The following CCDC171 variants were observed in gnomAD, a reference collection of about 807,000 sequenced individuals.
The protein encoded by CCDC171 is coiled-coil domain containing 171.
In CCDC171, 177 loss-of-function variants were observed where a neutral mutation model predicts 168.2. The ratio of observed to expected loss-of-function variants is 1.05; its 90% CI spans 0.93 to 1.19. The LOEUF (loss-of-function observed/expected upper bound fraction) is 1.19. CCDC171 is among the 50% of genes most tolerant of loss of function. The probability of loss-of-function intolerance (pLI) is 0.00; values close to 1 mark genes in which losing one functional copy is unlikely to be tolerated. For missense variants in CCDC171, 1,991 were observed against 1,539.0 expected, an observed-to-expected ratio of 1.29 and a Z score of -4.91; for synonymous variants, 687 against 540.8, an observed-to-expected ratio of 1.27 and a Z score of -3.75.
the CCDC171 span, among the ~76,000 whole-genome samples, chr9:16,089,634 A>C: frequency 6.6e-6 from 1 of 152,122 alleles, no homozygotes; most frequent in Non-Finnish European, 1.5e-5. Context: ...TTAAATAGGG[A>C]ATATTTTCCC....
intron 10 of CCDC171, among the ~76,000 whole-genome samples, chr9:15,688,196 C>T (rs1316402283): frequency 2.7e-5 from 4 of 149,434 alleles, no homozygotes; most frequent in Non-Finnish European, 4.5e-5. Context: ...TATCAAAATA[C>T]AAAATAAATC....
chr9:15,590,769 T>TTCTC (rs1223868945), intron 4 of CCDC171, among the ~76,000 whole-genome samples: 24 of 104,670 alleles, frequency 2.3e-4, no homozygotes, highest in African/African-American at 7.1e-4. Flanking sequence ...CTTTCTTTCT[T>TTCTC]TCTCTTTCTT....
intron 24 of CCDC171, among the ~76,000 whole-genome samples, chr9:15,890,194 G>A (rs77160126): frequency 0.069 from 10,536 of 151,896 alleles, 834 homozygotes; most frequent in African/African-American, 0.19. Context: ...AAGAGAGAAT[G>A]TGAAATTTAA....
At chr9:15,811,211 T>G (rs755006064) in intron 21 of CCDC171, among the ~76,000 whole-genome samples, 1 of 152,200 alleles carries the variant, frequency 6.6e-6, no homozygotes, top group Admixed American at 6.5e-5. Context: ...GATCTTTCTT[T>G]TGCTGATATT....
chr9:15,834,829 A>C (rs1323680154), intron 21 of CCDC171, among the ~76,000 whole-genome samples: 1 of 152,246 alleles, frequency 6.6e-6, no homozygotes, highest in African/African-American at 2.4e-5. Context: ...GAAAATCACT[A>C]TGATAGATGA....
intron 6 of CCDC171, among the ~76,000 whole-genome samples, chr9:15,618,918 C>T (rs193124759): frequency 2.0e-5 from 3 of 152,134 alleles, no homozygotes; most frequent in South Asian, 2.1e-4. Flanking sequence ...GCGTTGGTCT[C>T]GCTGGGAGCT....
At chr9:15,981,291 GA>G (rs1353434860) in intron 3 of CCDC171, among the ~76,000 whole-genome samples, 1 of 152,126 alleles carries the variant, frequency 6.6e-6, no homozygotes, top group Non-Finnish European at 1.5e-5. Flanking sequence ...TGCAAAGAGA[GA>G]AAAAGAGAAC....
chr9:15,927,905 C>A (rs1197546306), intron 25 of CCDC171, among the ~76,000 whole-genome samples: 1 of 151,688 alleles, frequency 6.6e-6, no homozygotes, highest in African/African-American at 2.4e-5. Context: ...CATTCATATA[C>A]CTTATCTTAG....
rs562572166 is a variant in CCDC171 at position 15,625,930 on chromosome 9, T to C, written c.822+2517T>C. Reference sequence around the variant, plus strand: ...GGGGAGTATGGCCATTTTCACGATATTGCTTCTTCCTAACCATGAGCGTGG... The same window carrying C: ...GGGGAGTATGGCCATTTTCACGATACTGCTTCTTCCTAACCATGAGCGTGG... On this transcript the variant is annotated intron_variant, in intron 7 of 25. Transcript: ENST00000380701. Among the ~76,000 whole-genome samples the C allele has an allele frequency of 4.6e-5, 7 of 152,342 alleles. No individual in the cohort carries two copies. The East Asian group carries it at 1.2e-3, about 25-fold the overall frequency.
chr9:15,857,945 A>G (rs961756489), intron 23 of CCDC171, among the ~76,000 whole-genome samples: 3 of 151,692 alleles, frequency 2.0e-5, no homozygotes, highest in Non-Finnish European at 4.4e-5. Flanking sequence ...ATATATATAT[A>G]TGTATATATG....
chr9:15,689,584 A>G (rs1397740972), intron 10 of CCDC171, among the ~76,000 whole-genome samples: 2 of 152,120 alleles, frequency 1.3e-5, no homozygotes, highest in African/African-American at 4.8e-5. Flanking sequence ...GATGGCGCGT[A>G]TCTGTAGTTC....
intron 5 of CCDC171, 124 bp downstream of exon 5, chr9:15,591,680 C>CA (rs1291863727): frequency 9.6e-6 from 6 of 623,048 alleles, no homozygotes; most frequent in African/African-American, 9.6e-5. Context: ...TCCTCCCTCC[C>CA]ATTTTTTCTT....
downstream of CCDC171, among the ~76,000 whole-genome samples, chr9:15,976,989 A>T (rs2132855309): frequency 6.6e-6 from 1 of 152,306 alleles, no homozygotes; most frequent in East Asian, 1.9e-4. Context: ...CAGCCAAGCA[A>T]AGAAAAGAAA....
chr9:15,596,537 G>T (rs1587268315), intron 6 of CCDC171, among the ~76,000 whole-genome samples: 1 of 152,046 alleles, frequency 6.6e-6, no homozygotes, highest in Non-Finnish European at 1.5e-5. Flanking sequence ...ATGCTGTTTT[G>T]GTTACTGTAG....
intron 2 of CCDC171, 61 bp downstream of exon 2, chr9:15,564,190 A>C (rs1427686187): frequency 3.1e-6 from 4 of 1,286,352 alleles, no homozygotes; most frequent in Middle Eastern, 1.9e-4. Context: ...AACAGGGAGA[A>C]GTCAGTGGTT....
intron 23 of CCDC171, among the ~76,000 whole-genome samples, chr9:15,874,162 T>C (rs1195840451): frequency 6.6e-6 from 1 of 152,128 alleles, no homozygotes; most frequent in Non-Finnish European, 1.5e-5. Context: ...ACACCACATG[T>C]TACTAAGCAG....
chr9:15,596,267 T>A (rs1461132312), intron 6 of CCDC171, among the ~76,000 whole-genome samples: 3 of 152,110 alleles, frequency 2.0e-5, no homozygotes, highest in Non-Finnish European at 4.4e-5. Context: ...CTAGGGTTTT[T>A]ATGGTTTCAG....
At chr9:16,082,626 C>G in the CCDC171 span, among the ~76,000 whole-genome samples, 1 of 152,106 alleles carries the variant, frequency 6.6e-6, no homozygotes, top group African/African-American at 2.4e-5. Context: ...TTTATTTTAG[C>G]AAAATTTATA....
intron 6 of CCDC171, among the ~76,000 whole-genome samples, chr9:15,603,108 A>G (rs1216609322): frequency 6.6e-6 from 1 of 151,730 alleles, no homozygotes; most frequent in Admixed American, 6.6e-5. Context: ...CAGCCTCCCG[A>G]GTGGCTGGGC....
Sources: allele counts gnomAD v4.1 joint callset (sites outside exome capture counted in the v4.1 genomes callset), GRCh38; gene constraint gnomAD v4.1.1; transcripts MANE v1.5; gene names NCBI Gene and HGNC (gene_info 2026-07-23, HGNC 2026-07-21).